Variants in NXPE2 observed in about 807,000 individuals in gnomAD.
NXPE2 encodes NXPE family member 2.
NXPE2 carries 34 observed loss-of-function variants against 34.4 expected under a neutral mutation model. The observed-to-expected ratio is 0.99, with a 90% CI of 0.75 to 1.31. The LOEUF is 1.31. Among genes scored for constraint, NXPE2 ranks in the 40% most tolerant of loss-of-function variants. The probability of loss-of-function intolerance (pLI) is 0.00; values close to 1 mark genes in which losing one functional copy is unlikely to be tolerated. For synonymous variants in NXPE2, 235 were observed against 231.3 expected, an observed-to-expected ratio of 1.02 and a Z score of -0.15; for missense variants, 649 against 672.5, an observed-to-expected ratio of 0.97 and a Z score of 0.39.
At chr11:114,791,241 C>T in the NXPE2 span, among the ~76,000 whole-genome samples, 4 of 151,816 alleles carry the variant, frequency 2.6e-5, no homozygotes, top group Non-Finnish European at 5.9e-5. Context: ...AACAGGGTTC[C>T]CATGTGTTCT....
At chr11:114,759,315 C>G in the NXPE2 span, among the ~76,000 whole-genome samples, 5 of 152,198 alleles carry the variant, frequency 3.3e-5, no homozygotes, top group African/African-American at 1.2e-4. Flanking sequence ...CTACCACCTT[C>G]TACTGTGAGC....
intron 2 of NXPE2, among the ~76,000 whole-genome samples, chr11:114,687,303 G>A (rs4472968): frequency 0.034 from 5,136 of 151,830 alleles, 130 homozygotes; most frequent in Admixed American, 0.082. Context: ...GTTAAGAGGC[G>A]GGGGTCCAGT....
At chr11:114,638,948 T>G in the NXPE2 span, among the ~76,000 whole-genome samples, 2 of 152,002 alleles carry the variant, frequency 1.3e-5, no homozygotes, top group Non-Finnish European at 2.9e-5. Context: ...AGTCTGCCCA[T>G]TTTCAGATCT....
the NXPE2 span, among the ~76,000 whole-genome samples, chr11:114,512,064 G>T: frequency 8.2e-3 from 1,242 of 152,250 alleles, 15 homozygotes; most frequent in African/African-American, 0.028. Context: ...GTTCCATCTG[G>T]GGGAGGGGAG....
At chr11:114,720,253 T>C in the NXPE2 span, among the ~76,000 whole-genome samples, 3 of 152,260 alleles carry the variant, frequency 2.0e-5, no homozygotes, top group Admixed American at 1.3e-4. Flanking sequence ...CCCTGAGCCA[T>C]TGGATCTGAG....
At chr11:114,765,415 G>A in the NXPE2 span, among the ~76,000 whole-genome samples, 4 of 152,134 alleles carry the variant, frequency 2.6e-5, no homozygotes, top group South Asian at 2.1e-4. Context: ...CAGCAATGAA[G>A]TATTTTTCAA....
chr11:114,756,530 G>A, the NXPE2 span, among the ~76,000 whole-genome samples: 1 of 151,814 alleles, frequency 6.6e-6, no homozygotes, highest in Admixed American at 6.6e-5. Context: ...TTAAGCATAG[G>A]TATAATTCCC....
At chr11:114,628,936 T>G in the NXPE2 span, among the ~76,000 whole-genome samples, 1 of 151,972 alleles carries the variant, frequency 6.6e-6, no homozygotes, top group Non-Finnish European at 1.5e-5. Flanking sequence ...AATGGATAAA[T>G]TCCTCGACAC....
the NXPE2 span, among the ~76,000 whole-genome samples, chr11:114,507,112 A>G: frequency 6.6e-6 from 1 of 152,270 alleles, no homozygotes; most frequent in Non-Finnish European, 1.5e-5. Context: ...TACATAAACT[A>G]GAAAATCTAA....
chr11:114,718,452 A>G, the NXPE2 span, among the ~76,000 whole-genome samples: 2 of 152,202 alleles, frequency 1.3e-5, no homozygotes, highest in Non-Finnish European at 2.9e-5. Flanking sequence ...TAATCCAATC[A>G]TCACTTCAAG....
At chr11:114,678,726 T>A (rs1160350781) in intron 1 of NXPE2, 125 bp downstream of exon 1, 5 of 687,396 alleles carry the variant, frequency 7.3e-6, no homozygotes, top group Non-Finnish European at 1.2e-5. Context: ...ATCGTTTTAT[T>A]TGGGCATAAA....
the NXPE2 span, among the ~76,000 whole-genome samples, chr11:114,759,328 G>A: frequency 4.6e-5 from 7 of 152,166 alleles, no homozygotes; most frequent in East Asian, 3.8e-4. Flanking sequence ...CTGTGAGCCC[G>A]TGGGGAAGCT....
chr11:114,707,814 G>A (rs370173953), downstream of NXPE2, among the ~76,000 whole-genome samples: 2 of 152,122 alleles, frequency 1.3e-5, no homozygotes, highest in Admixed American at 6.5e-5. Flanking sequence ...TCTGTCTGGC[G>A]TATTTCACTT....
At chr11:114,725,976 A>AAATATATATATATATATATATAT in the NXPE2 span, among the ~76,000 whole-genome samples, 22 of 101,748 alleles carry the variant, frequency 2.2e-4, no homozygotes, top group African/African-American at 5.4e-4. Context: ...ATAAAAAAAA[A>AAATATATATATATATATATATAT]ATATATATAT....
the NXPE2 span, among the ~76,000 whole-genome samples, chr11:114,614,434 G>T: frequency 6.6e-6 from 1 of 151,922 alleles, no homozygotes; most frequent in East Asian, 1.9e-4. Flanking sequence ...AATAAGTATT[G>T]CCTCGTGGGT....
chr11:114,803,488 TC>T, the NXPE2 span, among the ~76,000 whole-genome samples: 1 of 152,174 alleles, frequency 6.6e-6, no homozygotes, highest in African/African-American at 2.4e-5. Flanking sequence ...ACTGGTGGTA[TC>T]TGGTGAGGGT....
chr11:114,662,038 C>A, the NXPE2 span, among the ~76,000 whole-genome samples: 1 of 152,150 alleles, frequency 6.6e-6, no homozygotes, highest in Non-Finnish European at 1.5e-5. Context: ...CCCGCAAGGA[C>A]ACCAATTTAA....
the NXPE2 span, among the ~76,000 whole-genome samples, chr11:114,668,467 A>G: frequency 6.6e-6 from 1 of 152,012 alleles, no homozygotes; most frequent in East Asian, 1.9e-4. Context: ...GCAAACAAAA[A>G]TTTGTGACAA....
chr11:114,771,282 A>G, the NXPE2 span, among the ~76,000 whole-genome samples: 1 of 151,206 alleles, frequency 6.6e-6, no homozygotes, highest in Non-Finnish European at 1.5e-5. Flanking sequence ...AGAATACCGT[A>G]GTAACTCTGA....
Sources: allele counts gnomAD v4.1 joint callset (sites outside exome capture counted in the v4.1 genomes callset), GRCh38; gene constraint gnomAD v4.1.1; transcripts MANE v1.5; gene names NCBI Gene and HGNC (gene_info 2026-07-23, HGNC 2026-07-21).